GATM: variants seen among roughly 807,000 people sequenced by gnomAD.
The protein encoded by GATM is glycine amidinotransferase.
GATM carries 23 observed loss-of-function variants against 54.2 expected under a neutral mutation model. The observed-to-expected ratio is 0.42, with a 90% CI of 0.31 to 0.60. The LOEUF is 0.60. Ranked by LOEUF, GATM falls within the 20% of genes least tolerant of loss-of-function variation. The pLI, the probability that GATM is intolerant of heterozygous loss-of-function variation, is 0.14. For missense variants in GATM, 401 were observed against 544.9 expected (o/e 0.74, Z 2.63); for synonymous variants, 168 against 183.1 (o/e 0.92, Z 0.67).
intron 2 of GATM, 50 bp downstream of exon 2, chr15:45,376,551 G>T: frequency 1.4e-6 from 2 of 1,468,094 alleles, no homozygotes; most frequent in Non-Finnish European, 1.9e-6. Flanking sequence ...GGTAGCAGCA[G>T]CAGGTGAGGA....
chr15:45,377,566 TC>T (rs1889660508), intron 1 of GATM: 1 of 301,466 alleles, frequency 3.3e-6, no homozygotes, highest in Non-Finnish European at 6.4e-6. Flanking sequence ...GCAGGGAGGG[TC>T]CCTCAACCCC....
At chr15:45,393,962 C>T (rs1433860393) in intron 3 of GATM, among the ~76,000 whole-genome samples, 1 of 152,192 alleles carries the variant, frequency 6.6e-6, no homozygotes, top group Admixed American at 6.5e-5. Context: ...CAAGACCATA[C>T]AGCAAGCCAG....
chr15:45,399,301 G>C (rs1315828718), intron 2 of GATM, among the ~76,000 whole-genome samples: 1 of 152,212 alleles, frequency 6.6e-6, no homozygotes, highest in East Asian at 1.9e-4. Flanking sequence ...GAAAAATTAT[G>C]TGAAAATAAG....
intron 1 of GATM, among the ~76,000 whole-genome samples, chr15:45,400,670 A>C (rs992072581): frequency 1.8e-4 from 27 of 152,216 alleles, no homozygotes; most frequent in Non-Finnish European, 3.4e-4. Flanking sequence ...GAAAATTTTG[A>C]GGCCGATTTA....
Position 45,368,305 on chromosome 15 carries a change from T to G in GATM, c.485-45A>C. ...CATGACAACTTCAGTAGTGTTAATT[T>G]CCAAGACAAAAAAGGTCTATATAGG... On this transcript the variant is annotated intron_variant, in intron 3 of 8. Coordinates refer to ENST00000396659, the MANE Select transcript of GATM (RefSeq NM_001482.3). This position sits in a 1 kb window ranked among gnomAD's most constrained non-coding sequence, Gnocchi z 5.1. 2.5e-6 allele frequency: 4 copies of G among 1,581,994 alleles called. No homozygotes were observed. Among genetic ancestry groups the G allele is most frequent in the Non-Finnish European group, 3.5e-6 (4 of 1,154,340 alleles).
chr15:45,391,979 A>G (rs546889322), intron 3 of GATM, among the ~76,000 whole-genome samples: 18 of 152,340 alleles, frequency 1.2e-4, no homozygotes, highest in African/African-American at 4.3e-4. Flanking sequence ...TCTGGAACCA[A>G]ACTACCCAGC....
intron 2 of GATM, among the ~76,000 whole-genome samples, chr15:45,375,461 T>C (rs1889616952): frequency 6.6e-6 from 1 of 152,118 alleles, no homozygotes; most frequent in African/African-American, 2.4e-5. Flanking sequence ...TAGGTGGTGG[T>C]AGGTTTAAAC....
upstream of GATM, chr15:45,379,370 T>A (rs1461284711): frequency 6.6e-6 from 1 of 152,148 alleles, no homozygotes; most frequent in East Asian, 1.9e-4. Context: ...GAGATTTGAG[T>A]ATTTCATTTT....
At chr15:45,395,150 A>C (rs572129809) in intron 3 of GATM, among the ~76,000 whole-genome samples, 1 of 152,378 alleles carries the variant, frequency 6.6e-6, no homozygotes, top group Non-Finnish European at 1.5e-5. Flanking sequence ...ATACCTGAGA[A>C]TTAATATGAA....
At position 45,376,603 on chromosome 15, in the gene GATM, T is replaced by G; in HGVS notation, c.286A>C (p.Lys96Gln). The G allele has an allele frequency of 6.2e-7, 1 of 1,614,050 alleles. No individual in the cohort carries two copies. Among genetic ancestry groups the G allele is most frequent in the Non-Finnish European group, 8.5e-7 (1 of 1,179,932 alleles). Residue 96 changes from lysine (K) to glutamine (Q), a missense_variant and splice_region_variant, in exon 2 of 9, where the codon AAG becomes CAG. This residue lies in a region of GATM where 321 missense variants were observed against 457.5 expected (regional missense o/e 0.70). Transcript: ENST00000396659. ...ACATGTGAATAGCCTTCCTTTACCT[T>G]CACCTCGATGGTGAACGGTGGAACA... Reference protein sequence around the residue: ...ACVPPFTIEVKANTYEKYWPF... With the variant: ...ACVPPFTIEVQANTYEKYWPF...
rs1595485730 is a variant in GATM at position 45,376,529 on chromosome 15, A to C, written c.288+72T>G. Reference sequence around the variant, plus strand: ...GAGGTCTGGGAGTAAGCTGAAGGGAAAGCAGTCAGAGGGTAGCAGCAGCAG... The same window carrying C: ...GAGGTCTGGGAGTAAGCTGAAGGGACAGCAGTCAGAGGGTAGCAGCAGCAG... On this transcript the variant is annotated intron_variant, in intron 2 of 8. Transcript: ENST00000396659. The C allele has an allele frequency of 2.3e-6, 3 of 1,284,840 alleles. No homozygotes were observed. The East Asian group carries it at 6.9e-5, about 30-fold the overall frequency. The allele number at this position is 1,284,840 out of a possible 1,614,324, so 79.6% of individuals were successfully genotyped here.
chr15:45,369,282 T>G (rs763916124), intron 3 of GATM, 44 bp downstream of exon 3: 2 of 1,562,562 alleles, frequency 1.3e-6, no homozygotes, highest in Non-Finnish European at 1.8e-6. Context: ...AGAAAGAAAT[T>G]GAAAATTCAG....
chr15:45,398,413 C>G (rs1479662671), intron 2 of GATM, among the ~76,000 whole-genome samples: 1 of 152,160 alleles, frequency 6.6e-6, no homozygotes, highest in Non-Finnish European at 1.5e-5. Flanking sequence ...GTCTGCAGGT[C>G]ATTTGAAATC....
chr15:45,395,827 G>A (rs1229215147), intron 3 of GATM, among the ~76,000 whole-genome samples: 1 of 151,886 alleles, frequency 6.6e-6, no homozygotes, highest in Non-Finnish European at 1.5e-5. Flanking sequence ...CCCATTTACC[G>A]CACATTTCCT....
chr15:45,390,471 T>C (rs1377793038), intron 3 of GATM, among the ~76,000 whole-genome samples: 4 of 152,244 alleles, frequency 2.6e-5, no homozygotes, highest in Non-Finnish European at 5.9e-5. Context: ...CTATGGTTCC[T>C]TTGATTCAGT....
At chr15:45,385,399 T>C (rs1482652306) in intron 3 of GATM, among the ~76,000 whole-genome samples, 1 of 152,192 alleles carries the variant, frequency 6.6e-6, no homozygotes, top group Non-Finnish European at 1.5e-5. Flanking sequence ...AATTAAAGAA[T>C]GGTTAAGGAA....
At chr15:45,370,346 A>C (rs1266164553) in intron 2 of GATM, among the ~76,000 whole-genome samples, 1 of 151,644 alleles carries the variant, frequency 6.6e-6, no homozygotes, top group Non-Finnish European at 1.5e-5. Context: ...ACTGCACTCC[A>C]GCCTGGGTGA....
At chr15:45,396,559 G>A (rs1166711230) in intron 3 of GATM, among the ~76,000 whole-genome samples, 1 of 152,054 alleles carries the variant, frequency 6.6e-6, no homozygotes, top group Non-Finnish European at 1.5e-5. Context: ...CCAAAGGTAT[G>A]GTATAGTCAG....
At chr15:45,374,927 T>C (rs1295126829) in intron 2 of GATM, among the ~76,000 whole-genome samples, 1 of 152,204 alleles carries the variant, frequency 6.6e-6, no homozygotes, top group African/African-American at 2.4e-5. Context: ...TTGTAACCCA[T>C]TATTAATAGG....
Sources: gnomAD v4.1 joint callset for allele counts (sites outside exome capture counted in the v4.1 genomes callset) on GRCh38, gnomAD v4.1.1 for gene constraint, gnomAD v4.1.1 regional missense constraint, Gnocchi (gnomAD v3.1) non-coding constraint, MANE v1.5 for transcripts, NCBI Gene and HGNC (gene_info 2026-07-23, HGNC 2026-07-21) for gene names.